Variants in HMCN2 observed in about 807,000 individuals in gnomAD.
HMCN2 encodes the protein hemicentin 2.
In HMCN2, 325 loss-of-function variants were observed where a neutral mutation model predicts 377.5. The observed-to-expected ratio is 0.86, with a 90% CI of 0.79 to 0.94. HMCN2 has a LOEUF of 0.94. Ranked by LOEUF, HMCN2 falls within the 40% of genes least tolerant of loss-of-function variation. The probability of loss-of-function intolerance (pLI) is 0.00; values close to 1 mark genes in which losing one functional copy is unlikely to be tolerated. For synonymous variants in HMCN2, 2,007 were observed against 2,046.8 expected, an observed-to-expected ratio of 0.98 and a Z score of 0.53; for missense variants, 4,543 against 4,725.3, an observed-to-expected ratio of 0.96 and a Z score of 1.13.
rs1360451317 is a variant in HMCN2 at position 130,308,698 on chromosome 9, C to G, written c.2200+1132C>G. ...CACTGCATATTCTGGCCAAGAACCC[C>G]GTCAACCCAGCCCTAGAGCCCCACT... On this transcript the variant is annotated intron_variant, in intron 14 of 97. Coordinates refer to ENST00000683500, the MANE Select transcript of HMCN2 (RefSeq NM_001291815.2). This position sits in a 1 kb window ranked among gnomAD's most constrained non-coding sequence, Gnocchi z 4.1. 6.6e-6 allele frequency among the ~76,000 whole-genome samples: 1 copy of G among 152,180 alleles called. No individual in the cohort carries two copies. The highest frequency in any genetic ancestry group is 1.9e-4 in the East Asian group (1 of 5,202).
At position 130,430,385 on chromosome 9, in the gene HMCN2, C is replaced by G; in HGVS notation, c.14428C>G (p.Arg4810Gly). The stretch of plus-strand genomic sequence containing the variant: ...GTGCCCCCCAGGCCAGACCCTCCTT[C>G]GCGACGGCAAGGCCTGCACCTCACT... ...CLCPPGQTLL[R>G]DGKACTSLER... Residue 4810 changes from arginine to glycine, a missense_variant, in exon 95 of 98, where the codon CGC (arginine) becomes GGC (glycine). Coordinates refer to ENST00000683500, the MANE Select transcript of HMCN2 (RefSeq NM_001291815.2). 1 of 1,550,148 alleles carries G rather than the reference C, an allele frequency of 6.5e-7. No individual in the cohort carries two copies. The highest frequency in any genetic ancestry group is 2.4e-5 in the East Asian group (1 of 40,910).
rs373376376 is a variant in HMCN2 at position 130,403,564 on chromosome 9, G to A, written c.12014-177G>A. Among the ~76,000 whole-genome samples, 322 of 152,244 alleles carry A rather than the reference G, an allele frequency of 2.1e-3. 2 individuals carry two copies. Among genetic ancestry groups the A allele is most frequent in the African/African-American group, 7.3e-3 (303 of 41,534 alleles). On this transcript the variant is annotated intron_variant, in intron 79 of 97. Transcript: ENST00000683500. ...CACTCGGTGGCTGAGGTGGGAGGTC[G>A]GGAGGGGGCAGCTGAGCTGGGCTCA...
intron 48 of HMCN2, 110 bp from the exon 49 acceptor site, chr9:130,374,392 G>A (rs545159057): frequency 2.1e-6 from 1 of 468,338 alleles, no homozygotes; most frequent in African/African-American, 2.1e-5. Flanking sequence ...TGGGCCTCTG[G>A]GCCGGAATGG....
intron 14 of HMCN2, 29 bp from the exon 15 acceptor site, chr9:130,309,883 G>T (rs117309685): frequency 8.8e-6 from 4 of 454,352 alleles, no homozygotes; most frequent in Admixed American, 2.5e-5. Flanking sequence ...CAGGGACACC[G>T]GCCTGATGCT....
At position 130,426,033 on chromosome 9, in the gene HMCN2, T is replaced by C. The variant is rs1355833314; in HGVS notation, c.13879+109T>C. ...CCCTGCCCCTAACATCCACTGACCA[T>C]GGGCCAGAGACTTCAGACTGAGACG... On this transcript the variant is annotated intron_variant, in intron 90 of 97. Coordinates refer to ENST00000683500, the MANE Select transcript of HMCN2 (RefSeq NM_001291815.2). The C allele has an allele frequency of 1.3e-5, 11 of 830,446 alleles. No individual in the cohort carries two copies. In the East Asian group the frequency reaches 2.9e-4, roughly 22 times the overall value. The allele number at this position is 830,446 out of a possible 1,614,324, so 51.4% of individuals were successfully genotyped here.
At chr9:130,382,369 C>A in intron 55 of HMCN2, 72 bp downstream of exon 55, 1 of 634,484 alleles carries the variant, frequency 1.6e-6, no homozygotes, top group Non-Finnish European at 2.0e-6. Context: ...CAGAAGGGGC[C>A]GAGGCAAAGT....
In HMCN2 at chr9:130,398,708, G is replaced by T; in HGVS notation, c.11483+1G>T. On this transcript the variant is annotated splice_donor_variant, in intron 75 of 97. Coordinates refer to ENST00000683500, the MANE Select transcript of HMCN2 (RefSeq NM_001291815.2). LOFTEE classifies it high-confidence loss of function. ...TCCGCCTGCAGCAGGGCGCCTACCGGTAACGAGCTGGACTTTGCGGTGGCT... is the reference window on the plus strand; with the variant it reads ...TCCGCCTGCAGCAGGGCGCCTACCGTTAACGAGCTGGACTTTGCGGTGGCT... The T allele has an allele frequency of 7.8e-7, 1 of 1,289,134 alleles. No individual in the cohort carries two copies. The highest frequency in any genetic ancestry group is 1.0e-6 in the Non-Finnish European group (1 of 988,402). 79.9% of individuals were successfully genotyped at this position (1,289,134 alleles called of 1,614,324 possible).
chr9:130,282,696 C>T (rs1193236182), intron 1 of HMCN2, among the ~76,000 whole-genome samples: 5 of 152,218 alleles, frequency 3.3e-5, no homozygotes, highest in African/African-American at 1.2e-4. Flanking sequence ...AGACTGAGCT[C>T]CGCCAACTGG....
rs942335558 is a variant in HMCN2 at position 130,418,715 on chromosome 9, C to A, written c.12962-57C>A. ...CCAGTGTGTCTAAATGAACATATCC[C>A]ACTTGAATATGCAAAAATAATTAAA... On this transcript the variant is annotated intron_variant, in intron 85 of 97. Transcript: ENST00000683500. 4.5e-6 allele frequency: 6 copies of A among 1,347,834 alleles called. No individual in the cohort carries two copies. In the Admixed American group the frequency reaches 1.8e-4, roughly 41 times the overall value. 83.5% of individuals were successfully genotyped at this position (1,347,834 alleles called of 1,614,324 possible).
At chr9:130,285,035 C>T (rs1835343813) in intron 2 of HMCN2, 123 bp from the exon 3 acceptor site, 1 of 382,980 alleles carries the variant, frequency 2.6e-6, no homozygotes, top group Admixed American at 3.3e-5. Context: ...AAGAAAGTGA[C>T]TGGGTGGGCA....
chr9:130,432,497 A>C lies in HMCN2; in HGVS notation c.14836A>C (p.Ser4946Arg), dbSNP rs1444773245. ...PGQMCFNTRG[S>R]YQCVDTPCPA... The stretch of plus-strand genomic sequence containing the variant: ...CCAGATGTGCTTCAACACCCGTGGC[A>C]GCTACCAGTGTGTGGACACACCCTG... Residue 4946 changes from serine (S) to arginine (R), a missense_variant, in exon 97 of 98, where the codon AGC becomes CGC. Around this residue, in one of 5 missense-constraint regions of HMCN2, gnomAD observed 1,155 missense variants for 1,157.7 expected, o/e 1.00. Coordinates refer to ENST00000683500, the MANE Select transcript of HMCN2 (RefSeq NM_001291815.2). 2.6e-6 allele frequency: 4 copies of C among 1,550,724 alleles called. No individual in the cohort carries two copies. The South Asian group carries it at 4.8e-5, about 18-fold the overall frequency.
At chr9:130,328,939 C>T (rs1184031062) in intron 22 of HMCN2, among the ~76,000 whole-genome samples, 2 of 152,360 alleles carry the variant, frequency 1.3e-5, no homozygotes, top group East Asian at 3.9e-4. Context: ...ATTTATCCTC[C>T]TCCTACCACA....
chr9:130,273,912 T>A (rs1341074314), intron 1 of HMCN2, among the ~76,000 whole-genome samples: 2 of 150,710 alleles, frequency 1.3e-5, no homozygotes, highest in Non-Finnish European at 1.5e-5. Flanking sequence ...TAAAAAAAAA[T>A]AAACTCAAAA....
At chr9:130,267,572 A>G (rs1281781290) in intron 1 of HMCN2, among the ~76,000 whole-genome samples, 3 of 152,208 alleles carry the variant, frequency 2.0e-5, no homozygotes, top group African/African-American at 7.2e-5. Context: ...GTCCTTGCAG[A>G]GGGATTTGCA....
rs148742718 is a variant in HMCN2, at chr9:130,381,565, C to T, written c.8432-619C>T. Among the ~76,000 whole-genome samples the T allele has an allele frequency of 8.1e-3, 1,231 of 152,254 alleles. 8 individuals carry two copies. Among genetic ancestry groups the T allele is most frequent in the Non-Finnish European group, 0.013 (873 of 68,010 alleles). On this transcript the variant is annotated intron_variant, in intron 54 of 97. Coordinates refer to ENST00000683500, the MANE Select transcript of HMCN2 (RefSeq NM_001291815.2). ...TGTATTTTTAGTAGAGATGGGGTTT[C>T]GCCGTGTTGGCCAGGTTGGTCTTGA...
In HMCN2 at chr9:130,430,452, G is replaced by T. The variant is rs1359633528; in HGVS notation, c.14495G>T (p.Gly4832Val). ...GQNVTTVSHR[G>V]PLLPWLRPWA... ...AATGTGACCACCGTCAGCCACCGAG[G>T]CCCTCTATTGCCCTGGCTGCGGCCC... Residue 4832 changes from glycine to valine, a missense_variant, in exon 95 of 98, where the codon GGC becomes GTC. By Grantham distance (109) the Gly-to-Val change is moderately radical. This residue lies in a region of HMCN2 where 1,155 missense variants were observed against 1,157.7 expected (regional missense o/e 1.00). Coordinates refer to ENST00000683500, the MANE Select transcript of HMCN2 (RefSeq NM_001291815.2). The T allele has an allele frequency of 2.6e-6, 4 of 1,550,468 alleles. No homozygotes were observed. Among genetic ancestry groups the T allele is most frequent in the African/African-American group, 2.7e-5 (2 of 73,052 alleles).
intron 25 of HMCN2, among the ~76,000 whole-genome samples, chr9:130,343,344 CGTCTCTA>C (rs1839165447): frequency 6.6e-6 from 1 of 152,186 alleles, no homozygotes; most frequent in Non-Finnish European, 1.5e-5. Context: ...GCCTGGGGGG[CGTCTCTA>C]GTCTTGGTTG....
intron 60 of HMCN2, among the ~76,000 whole-genome samples, chr9:130,386,189 G>C (rs536468803): frequency 6.6e-6 from 1 of 152,168 alleles, no homozygotes; most frequent in African/African-American, 2.4e-5. Flanking sequence ...CAGCAAGGGG[G>C]ACCTCTTCCT....
At chr9:130,396,508 T>C (rs1306926107) in intron 73 of HMCN2, among the ~76,000 whole-genome samples, 195 bp downstream of exon 73, 2 of 152,140 alleles carry the variant, frequency 1.3e-5, no homozygotes, top group African/African-American at 4.8e-5. Flanking sequence ...CCTTGATAGA[T>C]GGGGCGGGGT....
Sources: allele counts gnomAD v4.1 joint callset (sites outside exome capture counted in the v4.1 genomes callset), GRCh38; gene constraint gnomAD v4.1.1; regional missense constraint gnomAD v4.1.1; non-coding constraint Gnocchi (gnomAD v3.1); transcripts MANE v1.5; gene names NCBI Gene and HGNC (gene_info 2026-07-23, HGNC 2026-07-21).